Variants in MGMT observed in about 807,000 individuals in gnomAD.
The protein encoded by MGMT is O-6-methylguanine-DNA methyltransferase.
In MGMT, 14 loss-of-function variants were observed where a neutral mutation model predicts 15.9. The ratio of observed to expected loss-of-function variants is 0.88; its 90% CI spans 0.58 to 1.37. MGMT has a LOEUF of 1.37. Ranked by LOEUF, MGMT falls within the 40% of genes most tolerant of loss-of-function variation. The probability of loss-of-function intolerance (pLI) is 0.00; values close to 1 mark genes in which losing one functional copy is unlikely to be tolerated. For missense variants in MGMT, 282 were observed against 268.1 expected (o/e 1.05, Z -0.36); for synonymous variants, 130 against 118.2 (o/e 1.10, Z -0.65).
chr10:129,747,539 A>G (rs1589973969), intron 3 of MGMT, among the ~76,000 whole-genome samples: 1 of 152,188 alleles, frequency 6.6e-6, no homozygotes, highest in Non-Finnish European at 1.5e-5. Context: ...AAATTGAAAA[A>G]TCAGTAGGGT....
At chr10:129,606,742 G>A (rs775358697) in intron 2 of MGMT, among the ~76,000 whole-genome samples, 11 of 152,100 alleles carry the variant, frequency 7.2e-5, no homozygotes, top group South Asian at 2.1e-4. Context: ...AGAATCTTTC[G>A]TCTACGGTGG....
At chr10:129,638,642 A>C (rs1262934976) in intron 2 of MGMT, among the ~76,000 whole-genome samples, 1 of 152,084 alleles carries the variant, frequency 6.6e-6, no homozygotes, top group Non-Finnish European at 1.5e-5. Context: ...ATTAAAGGAA[A>C]ATAACTTAGA....
chr10:129,580,842 T>G (rs916822182), intron 2 of MGMT, among the ~76,000 whole-genome samples: 4 of 152,230 alleles, frequency 2.6e-5, no homozygotes, highest in African/African-American at 9.6e-5. Flanking sequence ...AGGTCTTTGT[T>G]GCAAACATCG....
At position 129,637,589 on chromosome 10, in the gene MGMT, C is replaced by T. The variant is rs114563888; in HGVS notation, c.126-70306C>T. On this transcript the variant is annotated intron_variant, in intron 2 of 4. Transcript: ENST00000651593. ...AGATTTGTGCAAGTGACTTGTGTTCCCCAAATTCACATGTTGGAGCCCTAG... is the reference window on the plus strand; with the variant it reads ...AGATTTGTGCAAGTGACTTGTGTTCTCCAAATTCACATGTTGGAGCCCTAG... 9.0e-4 allele frequency among the ~76,000 whole-genome samples: 137 copies of T among 152,238 alleles called. 1 individual carries two copies. Among genetic ancestry groups the T allele is most frequent in the African/African-American group, 3.1e-3 (127 of 41,540 alleles).
chr10:129,530,069 T>C (rs1845913826), intron 1 of MGMT, among the ~76,000 whole-genome samples: 1 of 151,940 alleles, frequency 6.6e-6, no homozygotes, highest in African/African-American at 2.4e-5. Flanking sequence ...CTGGCTAATG[T>C]TTTTATGTTT....
At chr10:129,551,617 T>G (rs1287168382) in intron 2 of MGMT, among the ~76,000 whole-genome samples, 2 of 152,232 alleles carry the variant, frequency 1.3e-5, no homozygotes, top group Non-Finnish European at 2.9e-5. Context: ...CAGTGTCTTC[T>G]ACACTGATAT....
intron 1 of MGMT, among the ~76,000 whole-genome samples, chr10:129,475,636 G>A (rs12259807): frequency 0.099 from 15,088 of 152,130 alleles, 2,310 homozygotes; most frequent in African/African-American, 0.33. Flanking sequence ...GTGGTTGTGC[G>A]GGGTGCGGGC....
intron 3 of MGMT, among the ~76,000 whole-genome samples, chr10:129,718,796 T>C (rs1392579581): frequency 6.6e-6 from 1 of 152,060 alleles, no homozygotes; most frequent in East Asian, 1.9e-4. Flanking sequence ...CTAGAGCCAG[T>C]CCACGTGCCT....
intron 2 of MGMT, among the ~76,000 whole-genome samples, chr10:129,582,967 G>T (rs949204606): frequency 6.6e-6 from 1 of 152,126 alleles, no homozygotes; most frequent in Admixed American, 6.5e-5. Context: ...TGAATCACTT[G>T]ATATACCTAA....
intron 2 of MGMT, among the ~76,000 whole-genome samples, chr10:129,602,032 T>C (rs1482376399): frequency 6.6e-6 from 1 of 152,204 alleles, no homozygotes; most frequent in Non-Finnish European, 1.5e-5. Flanking sequence ...TGTCACATCA[T>C]GCGAAAAGTT....
At chr10:129,557,378 C>T (rs558379551) in intron 2 of MGMT, among the ~76,000 whole-genome samples, 43 of 152,180 alleles carry the variant, frequency 2.8e-4, no homozygotes, top group African/African-American at 1.0e-3. Flanking sequence ...TGCTTCTGCC[C>T]GAGACTCTGG....
rs531529523 is a variant in MGMT at position 129,626,601 on chromosome 10, G to C, written c.126-81294G>C. The stretch of plus-strand genomic sequence containing the variant: ...GGCAGGGTGCTCTGCTGTGCTCTTT[G>C]GGAGGATCCCCTTGGCTGTTCTGCA... On this transcript the variant is annotated intron_variant, in intron 2 of 4. Coordinates refer to ENST00000651593, the MANE Select transcript of MGMT (RefSeq NM_002412.5). Among the ~76,000 whole-genome samples, 860 of 152,198 alleles carry C rather than the reference G, an allele frequency of 5.7e-3. 3 individuals carry two copies. The highest frequency in any genetic ancestry group is 8.6e-3 in the Non-Finnish European group (585 of 68,008).
chr10:129,560,127 T>G (rs1380591461), intron 2 of MGMT, among the ~76,000 whole-genome samples: 1 of 152,234 alleles, frequency 6.6e-6, no homozygotes. Context: ...TCATTAATCA[T>G]TCTGATGGGA....
At chr10:129,623,357 G>A (rs1052260819) in intron 2 of MGMT, among the ~76,000 whole-genome samples, 1 of 152,116 alleles carries the variant, frequency 6.6e-6, no homozygotes, top group Non-Finnish European at 1.5e-5. Flanking sequence ...GTAGGAAGGA[G>A]GCTGGGGCTC....
chr10:129,567,428 G>C (rs895965794), intron 2 of MGMT, among the ~76,000 whole-genome samples: 2 of 152,072 alleles, frequency 1.3e-5, no homozygotes, highest in African/African-American at 4.8e-5. Context: ...CGTAGCAAGT[G>C]CCACTGAGCA....
intron 2 of MGMT, among the ~76,000 whole-genome samples, chr10:129,623,336 G>A (rs1346130242): frequency 1.3e-5 from 2 of 152,144 alleles, no homozygotes; most frequent in African/African-American, 4.8e-5. Context: ...AGTTGGGGAA[G>A]ATGCCAAGTG....
chr10:129,567,712 C>T (rs904713068), intron 2 of MGMT, among the ~76,000 whole-genome samples: 1 of 152,160 alleles, frequency 6.6e-6, no homozygotes, highest in Non-Finnish European at 1.5e-5. Context: ...ATTTTGTGTT[C>T]AAGAGCTACA....
chr10:129,481,448 G>A (rs1845357047), intron 1 of MGMT, among the ~76,000 whole-genome samples: 1 of 152,082 alleles, frequency 6.6e-6, no homozygotes, highest in Non-Finnish European at 1.5e-5. Flanking sequence ...TGTTAGGAGG[G>A]CAATCTTGCA....
chr10:129,568,393 G>A (rs1338934901), intron 2 of MGMT, among the ~76,000 whole-genome samples: 2 of 152,206 alleles, frequency 1.3e-5, no homozygotes, highest in Non-Finnish European at 2.9e-5. Flanking sequence ...CACTCAGGAA[G>A]CCCTGCACGG....
Sources: gnomAD v4.1 joint callset for allele counts (sites outside exome capture counted in the v4.1 genomes callset) on GRCh38, gnomAD v4.1.1 for gene constraint, MANE v1.5 for transcripts, NCBI Gene and HGNC (gene_info 2026-07-23, HGNC 2026-07-21) for gene names.